Variants in CSMD1 observed in about 807,000 individuals in gnomAD.
The protein encoded by CSMD1 is CUB and sushi domain-containing protein 1.
A neutral mutation model predicts 417.5 loss-of-function variants in CSMD1; 213 were observed. The observed-to-expected ratio is 0.51, with a 90% CI of 0.46 to 0.57. The LOEUF is 0.57. Ranked by LOEUF, CSMD1 falls within the 20% of genes least tolerant of loss-of-function variation. CSMD1 has a pLI of 0.00. For synonymous variants in CSMD1, 2,862 were observed against 1,736.8 expected (o/e 1.65, Z -16.11); for missense variants, 6,923 against 4,529.7 (o/e 1.53, Z -15.17).
chr8:4,336,330 T>A (rs1800170900), intron 3 of CSMD1, among the ~76,000 whole-genome samples: 1 of 152,102 alleles, frequency 6.6e-6, no homozygotes, highest in South Asian at 2.1e-4. Flanking sequence ...AGGCACATTT[T>A]TAGTTAGGAA....
intron 1 of CSMD1, chr8:4,787,874 T>A (rs968971111): frequency 2.4e-5 from 38 of 1,575,332 alleles, no homozygotes; most frequent in Non-Finnish European, 3.3e-5. Context: ...TGTACACTGG[T>A]TGATATGAAG....
intron 2 of CSMD1, among the ~76,000 whole-genome samples, chr8:4,530,653 T>G (rs28627587): frequency 0.097 from 14,732 of 151,338 alleles, 2,264 homozygotes; most frequent in African/African-American, 0.33. Context: ...GCTTCATCCA[T>G]GTCCCTGCAA....
intron 3 of CSMD1, among the ~76,000 whole-genome samples, chr8:4,086,091 C>T (rs1285886408): frequency 6.6e-6 from 1 of 152,170 alleles, no homozygotes; most frequent in East Asian, 1.9e-4. Flanking sequence ...TATTTAATCT[C>T]ATTTTTCCTA....
intron 12 of CSMD1, among the ~76,000 whole-genome samples, chr8:3,435,415 A>AACATC (rs1158935704): frequency 6.6e-6 from 1 of 152,060 alleles, no homozygotes; most frequent in African/African-American, 2.4e-5. Flanking sequence ...AAATGCCTGA[A>AACATC]ACATCACCTG....
At chr8:4,512,506 A>G (rs1419005226) in intron 2 of CSMD1, among the ~76,000 whole-genome samples, 2 of 152,298 alleles carry the variant, frequency 1.3e-5, no homozygotes, top group South Asian at 4.1e-4. Context: ...CCTGCAGGTG[A>G]CACAACTGTC....
chr8:4,633,437 G>T (rs1201551178), intron 2 of CSMD1, among the ~76,000 whole-genome samples: 2 of 151,814 alleles, frequency 1.3e-5, no homozygotes, highest in African/African-American at 4.8e-5. Context: ...TTTTAGTAGA[G>T]ATGGGGTTTC....
chr8:4,394,360 C>G (rs1241200524), intron 3 of CSMD1, among the ~76,000 whole-genome samples: 1 of 152,120 alleles, frequency 6.6e-6, no homozygotes, highest in African/African-American at 2.4e-5. Context: ...TTCTAAATGT[C>G]CTGTTTCCAT....
intron 1 of CSMD1, among the ~76,000 whole-genome samples, chr8:4,642,726 A>C (rs17070950): frequency 0.019 from 2,965 of 152,284 alleles, 100 homozygotes; most frequent in African/African-American, 0.068. Flanking sequence ...TGTGTAGCTT[A>C]GCCTTTGCTT....
intron 1 of CSMD1, among the ~76,000 whole-genome samples, chr8:4,969,241 G>C (rs941345188): frequency 5.9e-5 from 9 of 152,056 alleles, no homozygotes; most frequent in African/African-American, 2.2e-4. Flanking sequence ...CTAATGCTTA[G>C]TAAGTTAATG....
At chr8:3,155,492 C>T (rs778222807) in intron 39 of CSMD1, among the ~76,000 whole-genome samples, 3 of 150,632 alleles carry the variant, frequency 2.0e-5, no homozygotes, top group South Asian at 2.1e-4. Flanking sequence ...CTCAGCCTCC[C>T]GAGTAGCTGA....
chr8:4,634,397 G>A (rs1479651503), intron 2 of CSMD1, among the ~76,000 whole-genome samples: 1 of 152,116 alleles, frequency 6.6e-6, no homozygotes, highest in Non-Finnish European at 1.5e-5. Context: ...AAATATTACA[G>A]TGGTTATGTG....
chr8:3,236,566 G>C (rs1396671206), intron 26 of CSMD1, among the ~76,000 whole-genome samples: 1 of 152,154 alleles, frequency 6.6e-6, no homozygotes, highest in Non-Finnish European at 1.5e-5. Context: ...AGGCAAGAAA[G>C]CTTATTCTAG....
At chr8:4,568,699 G>A (rs1798737661) in intron 2 of CSMD1, among the ~76,000 whole-genome samples, 1 of 152,118 alleles carries the variant, frequency 6.6e-6, no homozygotes, top group Admixed American at 6.5e-5. Context: ...TTGCCACACT[G>A]TCTTCCACAA....
At chr8:3,919,054 A>G (rs1203624354) in intron 5 of CSMD1, among the ~76,000 whole-genome samples, 1 of 152,000 alleles carries the variant, frequency 6.6e-6, no homozygotes, top group Non-Finnish European at 1.5e-5. Flanking sequence ...ATGTGGTTGT[A>G]AAAATTTTCT....
chr8:4,475,832 C>G (rs1800774439), intron 2 of CSMD1, among the ~76,000 whole-genome samples: 1 of 152,062 alleles, frequency 6.6e-6, no homozygotes. Context: ...AGGCTGGTCT[C>G]AAACTCCTGA....
At chr8:4,632,705 T>A (rs1303124596) in intron 2 of CSMD1, among the ~76,000 whole-genome samples, 1 of 152,162 alleles carries the variant, frequency 6.6e-6, no homozygotes, top group African/African-American at 2.4e-5. Flanking sequence ...GGCTTCCAAT[T>A]GCAGTAGGTG....
In CSMD1 at chr8:4,419,887, C is replaced by G. The variant is rs955584455; in HGVS notation, c.415+66G>C. ...AGCAGCCTAGTTTGTCATTATTAAT[C>G]CAGTGTAGCATGTATTAGATCATTT... On this transcript the variant is annotated intron_variant, in intron 3 of 69. Coordinates refer to ENST00000635120, the MANE Select transcript of CSMD1 (RefSeq NM_033225.6). 115 of 1,082,244 alleles carry G rather than the reference C, an allele frequency of 1.1e-4. 1 individual carries two copies. Among genetic ancestry groups the G allele is most frequent in the Non-Finnish European group, 1.5e-4 (107 of 723,760 alleles). 67.0% of individuals were successfully genotyped at this position (1,082,244 alleles called of 1,614,324 possible). A position where few individuals can be genotyped will look rare whatever the true frequency, so the allele number is the denominator to read the frequency against.
At chr8:3,635,419 G>A (rs1796986062) in intron 7 of CSMD1, among the ~76,000 whole-genome samples, 1 of 151,738 alleles carries the variant, frequency 6.6e-6, no homozygotes, top group Non-Finnish European at 1.5e-5. Context: ...GGGAGATGGA[G>A]CTTGCAGTGA....
At chr8:4,321,210 C>G (rs1433130653) in intron 3 of CSMD1, among the ~76,000 whole-genome samples, 1 of 152,100 alleles carries the variant, frequency 6.6e-6, no homozygotes, top group Non-Finnish European at 1.5e-5. Context: ...GTGTCCAGTG[C>G]ATGAACACGT....
Sources: gnomAD v4.1 joint callset for allele counts (sites outside exome capture counted in the v4.1 genomes callset) on GRCh38, gnomAD v4.1.1 for gene constraint, MANE v1.5 for transcripts, NCBI Gene and HGNC (gene_info 2026-07-23, HGNC 2026-07-21) for gene names.